Variants in SLC14A2 observed in about 807,000 individuals in gnomAD.
SLC14A2 encodes the protein urea transporter 2.
In SLC14A2, 91 loss-of-function variants were observed where a neutral mutation model predicts 104.6. That is an observed-to-expected ratio of 0.87 (90% confidence interval 0.73 to 1.04). The LOEUF (loss-of-function observed/expected upper bound fraction) is 1.04. Ranked by LOEUF, SLC14A2 falls within the 50% of genes least tolerant of loss-of-function variation. The pLI, the probability that SLC14A2 is intolerant of heterozygous loss-of-function variation, is 0.00. For synonymous variants in SLC14A2, 476 were observed against 466.4 expected, an observed-to-expected ratio of 1.02 and a Z score of -0.27; for missense variants, 1,189 against 1,156.0, an observed-to-expected ratio of 1.03 and a Z score of -0.41.
At chr18:45,226,423 TG>T (rs1260875187) in intron 1 of SLC14A2, among the ~76,000 whole-genome samples, 1 of 152,122 alleles carries the variant, frequency 6.6e-6, no homozygotes, top group East Asian at 1.9e-4. Flanking sequence ...CCAACCCAAA[TG>T]TCCATCAATG....
chr18:45,271,946 T>C lies in SLC14A2; in HGVS notation c.-125+58755T>C, dbSNP rs566179232. ...GAACAGCATGGTACTGGCATAAAAA[T>C]AGGCACATAAACTAATGGAACAGAA... On this transcript the variant is annotated intron_variant, in intron 1 of 20. Coordinates refer to the SLC14A2 transcript ENST00000586448. 9.2e-4 allele frequency among the ~76,000 whole-genome samples: 140 copies of C among 152,078 alleles called. 2 individuals carry two copies. The South Asian group carries it at 0.011, about 12-fold the overall frequency.
chr18:45,384,903 C>A (rs2085878118), intron 1 of SLC14A2, among the ~76,000 whole-genome samples: 1 of 152,220 alleles, frequency 6.6e-6, no homozygotes. Context: ...CACTCAGCTG[C>A]AAACCATACA....
intron 1 of SLC14A2, among the ~76,000 whole-genome samples, chr18:45,319,622 C>T (rs2085164897): frequency 6.6e-6 from 1 of 152,218 alleles, no homozygotes; most frequent in Non-Finnish European, 1.5e-5. Flanking sequence ...ATGAACAAGA[C>T]AGTCTGGGCT....
At position 45,267,648 on chromosome 18, in the gene SLC14A2, G is replaced by C. The variant is rs542848430; in HGVS notation, c.-125+54457G>C. 5.3e-4 allele frequency among the ~76,000 whole-genome samples: 81 copies of C among 152,282 alleles called. 1 individual carries two copies. The highest frequency in any genetic ancestry group is 1.3e-3 in the Admixed American group (20 of 15,294). ...GATGTCAAAGAACATCAGACCTGTT[G>C]TTTCTGGAGTTCTCTGGATCCTGTG... On this transcript the variant is annotated intron_variant, in intron 1 of 20. Coordinates refer to the SLC14A2 transcript ENST00000586448.
intron 2 of SLC14A2, chr18:45,528,088 C>T (rs1019098037): frequency 6.7e-6 from 1 of 150,250 alleles, no homozygotes; most frequent in Non-Finnish European, 1.5e-5. Context: ...GCAGATGCAG[C>T]CCCATGCTAA....
intron 10 of SLC14A2, among the ~76,000 whole-genome samples, chr18:45,653,385 T>C (rs1047835503): frequency 1.6e-4 from 24 of 152,132 alleles, no homozygotes; most frequent in Non-Finnish European, 1.8e-4. Flanking sequence ...GGGGAGTTTG[T>C]CTACTCAGGT....
At chr18:45,260,302 T>C (rs1218680252) in intron 1 of SLC14A2, among the ~76,000 whole-genome samples, 1 of 152,198 alleles carries the variant, frequency 6.6e-6, no homozygotes, top group East Asian at 1.9e-4. Context: ...CAAGTTGCTA[T>C]ACCCAGAAGA....
At chr18:45,647,955 T>C (rs1348917229) in intron 10 of SLC14A2, 1 of 152,150 alleles carries the variant, frequency 6.6e-6, no homozygotes, top group Admixed American at 6.5e-5. Flanking sequence ...TAAATTGATT[T>C]GTTAATTGTA....
chr18:45,662,480 A>T (rs1274319953), intron 10 of SLC14A2, among the ~76,000 whole-genome samples: 1 of 152,170 alleles, frequency 6.6e-6, no homozygotes, highest in Non-Finnish European at 1.5e-5. Flanking sequence ...AGATCTTGTT[A>T]AAAGCCAATT....
chr18:45,585,758 C>G (rs1166649080), intron 2 of SLC14A2, among the ~76,000 whole-genome samples: 1 of 152,162 alleles, frequency 6.6e-6, no homozygotes, highest in Non-Finnish European at 1.5e-5. Flanking sequence ...CTGCAGATAC[C>G]CCAGTACCCA....
chr18:45,302,384 A>C (rs2084977101), intron 1 of SLC14A2, among the ~76,000 whole-genome samples: 1 of 152,214 alleles, frequency 6.6e-6, no homozygotes, highest in Non-Finnish European at 1.5e-5. Flanking sequence ...AGCCCTACAG[A>C]ATAGCTTTTC....
intron 2 of SLC14A2, among the ~76,000 whole-genome samples, chr18:45,610,333 A>C (rs559313876): frequency 6.6e-6 from 1 of 152,320 alleles, no homozygotes; most frequent in South Asian, 2.1e-4. Context: ...GCATAGACAG[A>C]AAGATCTAGG....
chr18:45,334,428 A>G (rs2085318738), intron 1 of SLC14A2, among the ~76,000 whole-genome samples: 1 of 152,170 alleles, frequency 6.6e-6, no homozygotes. Context: ...GTAATTCTGG[A>G]AACTTCCTGT....
intron 1 of SLC14A2, among the ~76,000 whole-genome samples, chr18:45,619,899 G>C (rs1004964532): frequency 3.3e-5 from 5 of 152,226 alleles, no homozygotes; most frequent in Non-Finnish European, 5.9e-5. Flanking sequence ...CAGGAACCAA[G>C]TCAGCAATTT....
At chr18:45,568,609 T>A (rs1016019918) in intron 2 of SLC14A2, among the ~76,000 whole-genome samples, 5 of 152,244 alleles carry the variant, frequency 3.3e-5, no homozygotes, top group African/African-American at 1.2e-4. Context: ...CATTCTTTTA[T>A]CCTTGGCATG....
intron 7 of SLC14A2, 24 bp downstream of exon 7, chr18:45,639,917 A>C (rs757344540): frequency 2.5e-6 from 4 of 1,606,164 alleles, no homozygotes; most frequent in Non-Finnish European, 3.4e-6. Flanking sequence ...CCCTCTCTTC[A>C]GGTCCTCAGG....
intron 1 of SLC14A2, among the ~76,000 whole-genome samples, chr18:45,362,397 C>T (rs2144330300): frequency 6.6e-6 from 1 of 152,330 alleles, no homozygotes; most frequent in African/African-American, 2.4e-5. Flanking sequence ...GGTGCCCCCA[C>T]CCCACTTCCA....
At chr18:45,484,400 CTG>C (rs1330064804) in intron 2 of SLC14A2, among the ~76,000 whole-genome samples, 2 of 152,190 alleles carry the variant, frequency 1.3e-5, no homozygotes, top group South Asian at 2.1e-4. Context: ...GTAGCACACA[CTG>C]TGAGTGCTGT....
At chr18:45,527,677 C>A (rs1034101766) in intron 2 of SLC14A2, among the ~76,000 whole-genome samples, 1 of 152,142 alleles carries the variant, frequency 6.6e-6, no homozygotes, top group Non-Finnish European at 1.5e-5. Context: ...GTCCATTAGG[C>A]AAATCGTTTG....
Sources: gnomAD v4.1 joint callset for allele counts (sites outside exome capture counted in the v4.1 genomes callset) on GRCh38, gnomAD v4.1.1 for gene constraint, MANE v1.5 for transcripts, NCBI Gene and HGNC (gene_info 2026-07-23, HGNC 2026-07-21) for gene names.